Variants in CCDC61 observed in about 807,000 individuals in gnomAD.
CCDC61 encodes centrosomal protein CCDC61.
A neutral mutation model predicts 63.0 loss-of-function variants in CCDC61; 55 were observed. The observed-to-expected ratio is 0.87, with a 90% CI of 0.70 to 1.09. The LOEUF is 1.09. CCDC61 is among the 50% of genes least tolerant of loss of function. The pLI is 0.00. For missense variants in CCDC61, 651 were observed against 731.4 expected (o/e 0.89, Z 1.27); for synonymous variants, 270 against 317.0 (o/e 0.85, Z 1.58).
Position 46,008,373 on chromosome 19 carries a change from G to A in CCDC61, c.551+72G>A, listed in dbSNP as rs1000645324. 8 of 1,142,938 alleles carry A rather than the reference G, an allele frequency of 7.0e-6. 1 individual carries two copies. Among genetic ancestry groups the A allele is most frequent in the Non-Finnish European group, 9.9e-6 (8 of 810,698 alleles). 70.8% of individuals were successfully genotyped at this position (1,142,938 alleles called of 1,614,324 possible). ...ATCATGCACCGCGGGGCCCATGCTCGGTCCTGTGGGGAGGATGACTGTCCT... is the reference window on the plus strand; with the variant it reads ...ATCATGCACCGCGGGGCCCATGCTCAGTCCTGTGGGGAGGATGACTGTCCT... On this transcript the variant is annotated intron_variant, in intron 5 of 13. Transcript: ENST00000595358.
At chr19:46,005,783 T>C (rs1968696063) in intron 3 of CCDC61, among the ~76,000 whole-genome samples, 1 of 151,926 alleles carries the variant, frequency 6.6e-6, no homozygotes, top group African/African-American at 2.4e-5. Context: ...TAGTTTTGTC[T>C]GTCAGTCGTT....
chr19:46,014,288 C>CT (rs199891241), intron 5 of CCDC61, among the ~76,000 whole-genome samples: 9 of 152,212 alleles, frequency 5.9e-5, no homozygotes, highest in East Asian at 1.9e-4. Context: ...ATAAATAATC[C>CT]TTTTTTCCCC....
intron 1 of CCDC61, among the ~76,000 whole-genome samples, chr19:45,999,387 C>T (rs1201149637): frequency 1.0e-5 from 1 of 96,246 alleles, no homozygotes; most frequent in Non-Finnish European, 2.1e-5. Context: ...AGAATGGGGT[C>T]GGGAAGGGGG....
In CCDC61 at chr19:46,003,140, A is replaced by G; in HGVS notation, c.122A>G (p.Gln41Arg). 1.2e-6 allele frequency: 2 copies of G among 1,611,216 alleles called. No individual in the cohort carries two copies. The highest frequency in any genetic ancestry group is 1.1e-5 in the South Asian group (1 of 90,402). Residue 41 changes from glutamine (Q) to arginine (R), a missense_variant, in exon 2 of 14, where the codon CAG becomes CGG. Transcript: ENST00000595358. ...GTGGAGGACCGGATGACGGCTGACC[A>G]GTGGCGGGGCGAGTTCGATGCTGGC... ...LEVEDRMTAD[Q>R]WRGEFDAGFI...
chr19:46,018,458 G>C lies in CCDC61; in HGVS notation c.*71G>C. On this transcript the variant is annotated 3_prime_UTR_variant, in exon 14 of 14. Coordinates refer to ENST00000595358, the MANE Select transcript of CCDC61 (RefSeq NM_001267723.2). The surrounding 1 kb of genome is among the most constrained non-coding windows in gnomAD (Gnocchi z 4.2). ...GTATGGTGTGGGGGGTGGGGCCAGG[G>C]TGGCCTCCAGCCCTGCCCAGTCCCT... 7.6e-7 allele frequency: 1 copy of C among 1,319,632 alleles called. No individual in the cohort carries two copies. Among genetic ancestry groups the C allele is most frequent in the Non-Finnish European group, 1.1e-6 (1 of 945,392 alleles). The allele number at this position is 1,319,632 out of a possible 1,614,324, so 81.7% of individuals were successfully genotyped here.
intron 5 of CCDC61, among the ~76,000 whole-genome samples, chr19:46,009,343 G>A (rs1398512311): frequency 2.0e-5 from 3 of 152,118 alleles, no homozygotes; most frequent in East Asian, 1.9e-4. Flanking sequence ...GGCCTGGCTC[G>A]TTGGGGAGGA....
intron 1 of CCDC61, among the ~76,000 whole-genome samples, chr19:45,996,680 G>A (rs549630076): frequency 2.6e-5 from 4 of 152,316 alleles, no homozygotes; most frequent in Admixed American, 6.5e-5. Context: ...GATTACAGGC[G>A]TGAGCCACCG....
chr19:46,001,529 C>A (rs192449656), intron 1 of CCDC61, among the ~76,000 whole-genome samples: 7 of 152,262 alleles, frequency 4.6e-5, no homozygotes, highest in Admixed American at 2.6e-4. Context: ...CGGACGAGAT[C>A]GAGATTATTA....
At position 46,016,666 on chromosome 19, in the gene CCDC61, G is replaced by T; in HGVS notation, c.1092-28G>T. 1 of 1,610,622 alleles carries T rather than the reference G, an allele frequency of 6.2e-7. No homozygotes were observed. Among genetic ancestry groups the T allele is most frequent in the East Asian group, 2.2e-5 (1 of 44,804 alleles). On this transcript the variant is annotated intron_variant, in intron 9 of 13. Coordinates refer to ENST00000595358, the MANE Select transcript of CCDC61 (RefSeq NM_001267723.2). This position sits in a 1 kb window ranked among gnomAD's most constrained non-coding sequence, Gnocchi z 7.2. ...CTTGCCTGCAGGAGTTGGGCGTACAGACCGGCGTCTCCTTTCTTTTTTCCC... is the reference window on the plus strand; with the variant it reads ...CTTGCCTGCAGGAGTTGGGCGTACATACCGGCGTCTCCTTTCTTTTTTCCC...
rs540785203 is a variant in CCDC61, at chr19:46,014,848, A to C, written c.552-201A>C. Among the ~76,000 whole-genome samples the C allele has an allele frequency of 2.6e-5, 4 of 152,252 alleles. No individual in the cohort carries two copies. In the South Asian group the frequency reaches 8.3e-4, roughly 32 times the overall value. On this transcript the variant is annotated intron_variant, in intron 5 of 13. Transcript: ENST00000595358. ...GGGTCATGTCCTCTTCGTGAGGTGC[A>C]TGGGGGTGATGTGACCACATCCCTC...
rs781325604 is a variant in CCDC61 at position 46,017,272 on chromosome 19, C to T, written c.1336C>T (p.Pro446Ser). Residue 446 changes from proline to serine, a missense_variant, in exon 12 of 14, where the codon CCC (proline) becomes TCC (serine). Physicochemically the swap from Pro to Ser is moderately conservative, Grantham distance 74. Transcript: ENST00000595358. ...RGGHRRRGKP[P>S]SPTPWSGSNM... ...GGGTCACCGCCGCCGTGGGAAGCCT[C>T]CCAGCCCAACGCCCTGGAGTGGGTC... is the stretch of plus-strand genomic sequence containing the variant. The T allele has an allele frequency of 4.5e-6, 7 of 1,566,912 alleles. No individual in the cohort carries two copies. The Admixed American group carries it at 1.1e-4, about 25-fold the overall frequency.
Position 46,016,673 on chromosome 19 carries a change from G to A in CCDC61, c.1092-21G>A, listed in dbSNP as rs550071010. 9 of 1,611,346 alleles carry A rather than the reference G, an allele frequency of 5.6e-6. No homozygotes were observed. In the African/African-American group the frequency reaches 1.2e-4, roughly 21 times the overall value. ...GCAGGAGTTGGGCGTACAGACCGGC[G>A]TCTCCTTTCTTTTTTCCCAGGCAGC... is the stretch of plus-strand genomic sequence containing the variant. On this transcript the variant is annotated intron_variant, in intron 9 of 13. Transcript: ENST00000595358. The surrounding 1 kb of genome is among the most constrained non-coding windows in gnomAD (Gnocchi z 7.2).
rs946933740 is a variant in CCDC61, at chr19:46,016,422, C to T, written c.1091+29C>T. ...AGTGCCCCTTCCTCCCTCACCTGCCCCTGTCCCTGGCCCGTGCCCGCTCCC... is the reference window on the plus strand; with the variant it reads ...AGTGCCCCTTCCTCCCTCACCTGCCTCTGTCCCTGGCCCGTGCCCGCTCCC... On this transcript the variant is annotated intron_variant, in intron 9 of 13. Coordinates refer to ENST00000595358, the MANE Select transcript of CCDC61 (RefSeq NM_001267723.2). This position sits in a 1 kb window ranked among gnomAD's most constrained non-coding sequence, Gnocchi z 7.2. The T allele has an allele frequency of 1.2e-6, 2 of 1,610,434 alleles. No individual in the cohort carries two copies. Among genetic ancestry groups the T allele is most frequent in the African/African-American group, 2.7e-5 (2 of 75,034 alleles).
chr19:45,999,358 G>A (rs1453768870), intron 1 of CCDC61, among the ~76,000 whole-genome samples: 3 of 151,780 alleles, frequency 2.0e-5, no homozygotes, highest in African/African-American at 7.3e-5. Context: ...ATTCACCCAC[G>A]TGGTGGGGAG....
intron 3 of CCDC61, among the ~76,000 whole-genome samples, chr19:46,004,556 C>G (rs1968661318): frequency 6.6e-6 from 1 of 152,114 alleles, no homozygotes; most frequent in African/African-American, 2.4e-5. Flanking sequence ...TCTCTGCCTC[C>G]TGGGTTCAAG....
chr19:46,000,001 G>C, intron 1 of CCDC61: 1 of 984,922 alleles, frequency 1.0e-6, no homozygotes, highest in South Asian at 4.7e-5. Context: ...GGACTGGAAT[G>C]AAATCAGCCA....
intron 3 of CCDC61, among the ~76,000 whole-genome samples, chr19:46,004,680 G>A (rs1219308077): frequency 2.0e-5 from 3 of 151,916 alleles, no homozygotes; most frequent in Non-Finnish European, 2.9e-5. Flanking sequence ...GGCCAGGCTG[G>A]TCTTGAATAC....
At position 46,016,773 on chromosome 19, in the gene CCDC61, C is replaced by G. The variant is rs1409468478; in HGVS notation, c.1171C>G (p.Pro391Ala). The G allele has an allele frequency of 1.3e-6, 2 of 1,563,520 alleles. No homozygotes were observed. Among genetic ancestry groups the G allele is most frequent in the Non-Finnish European group, 8.7e-7 (1 of 1,155,212 alleles). The change falls in exon 10 of 14, where the codon CCT (proline) becomes GCT (alanine). Residue 391 changes from proline (P) to alanine (A), a missense_variant. Transcript: ENST00000595358. The surrounding 1 kb of genome is among the most constrained non-coding windows in gnomAD (Gnocchi z 7.2). ...SVSWSRQTQP[P>A]AALTGRGDAP... ...CTCCTGGTCTCGCCAGACCCAGCCC[C>G]CTGCTGCCTTGACTGGCCGAGGGGA...
Position 46,015,170 on chromosome 19 carries a change from G to A in CCDC61, c.673G>A (p.Gly225Arg). The A allele has an allele frequency of 7.9e-7, 1 of 1,263,360 alleles. No homozygotes were observed. Among genetic ancestry groups the A allele is most frequent in the Non-Finnish European group, 9.9e-7 (1 of 1,008,978 alleles). The allele number at this position is 1,263,360 out of a possible 1,614,324, so 78.3% of individuals were successfully genotyped here. A position where few individuals can be genotyped will look rare whatever the true frequency, so the allele number is the denominator to read the frequency against. The change falls in exon 6 of 14, where the codon GGG becomes AGG. Residue 225 changes from glycine to arginine, a missense_variant. By Grantham distance (125) the Gly-to-Arg change is moderately radical (BLOSUM62 -2). Transcript: ENST00000595358. The surrounding 1 kb of genome is among the most constrained non-coding windows in gnomAD (Gnocchi z 5.3). ...EAEALRGLVR[G>R]LELELRQERG... ...CGAGGCGCTGCGCGGGCTGGTGCGC[G>A]GGCTGGAGCTGGAGCTGCGGCAGGA...
Sources: gnomAD v4.1 joint callset for allele counts (sites outside exome capture counted in the v4.1 genomes callset) on GRCh38, gnomAD v4.1.1 for gene constraint, Gnocchi (gnomAD v3.1) non-coding constraint, MANE v1.5 for transcripts, NCBI Gene and HGNC (gene_info 2026-07-23, HGNC 2026-07-21) for gene names.